The following DHX57 variants were observed in gnomAD, a reference collection of about 807,000 sequenced individuals.
DHX57 encodes the protein putative ATP-dependent RNA helicase DHX57.
In DHX57, 105 loss-of-function variants were observed where a neutral mutation model predicts 156.2. The observed-to-expected ratio is 0.67, with a 90% CI of 0.57 to 0.79. The LOEUF (loss-of-function observed/expected upper bound fraction) is 0.79. DHX57 is among the 30% of genes least tolerant of loss of function. The pLI is 0.00. For missense variants in DHX57, 1,847 were observed against 1,661.9 expected (o/e 1.11, Z -1.94); for synonymous variants, 704 against 595.6 (o/e 1.18, Z -2.65).
In DHX57 at chr2:38,840,679, ACT is replaced by A. The variant is rs1490188259; in HGVS notation, c.2425+2324_2425+2325del. Among the ~76,000 whole-genome samples the A allele has an allele frequency of 2.0e-5, 3 of 152,142 alleles. No homozygotes were observed. In the East Asian group the frequency reaches 5.8e-4, roughly 29 times the overall value. On this transcript the variant is annotated intron_variant, in intron 12 of 23. Coordinates refer to ENST00000457308, the MANE Select transcript of DHX57 (RefSeq NM_198963.3). Reference sequence around the variant, plus strand: ...GGCAGAGTCATGTTTCCTGACCTCAACTCCTCCATTCTCCTTCCTTAAAAAGG... The same window carrying A: ...GGCAGAGTCATGTTTCCTGACCTCAACCTCCATTCTCCTTCCTTAAAAAGG...
At chr2:38,818,623 C>G (rs1323670602) in intron 19 of DHX57, among the ~76,000 whole-genome samples, 2 of 152,078 alleles carry the variant, frequency 1.3e-5, no homozygotes, top group East Asian at 1.9e-4. Flanking sequence ...ATCTTACTGC[C>G]TATATTCTAC....
intron 1 of DHX57, among the ~76,000 whole-genome samples, chr2:38,873,280 T>C (rs1337475554): frequency 6.6e-6 from 1 of 152,174 alleles, no homozygotes; most frequent in Admixed American, 6.5e-5. Flanking sequence ...CGTGAGCCAC[T>C]GTGCCCAGCC....
At chr2:38,802,633 G>C in intron 23 of DHX57, 82 bp downstream of exon 23, 1 of 1,536,026 alleles carries the variant, frequency 6.5e-7, no homozygotes, top group Non-Finnish European at 8.9e-7. Flanking sequence ...GTCCCTAGAG[G>C]AATGCCCTTG....
intron 21 of DHX57, 121 bp from the exon 22 acceptor site, chr2:38,806,814 G>T: frequency 9.9e-6 from 9 of 913,634 alleles, no homozygotes; most frequent in South Asian, 8.8e-5. Flanking sequence ...TTTCCTGTTT[G>T]TTCCCTTTCT....
At chr2:38,856,497 CTTTTT>C in intron 6 of DHX57, 36 bp from the exon 7 acceptor site, 1 of 1,420,286 alleles carries the variant, frequency 7.0e-7, no homozygotes. Context: ...AGTTGGGTTA[CTTTTT>C]CTTTTTTTTT....
At chr2:38,853,200 G>A (rs1291365345) in intron 9 of DHX57, 1 of 149,806 alleles carries the variant, frequency 6.7e-6, no homozygotes, top group African/African-American at 2.5e-5. Flanking sequence ...TGGGACCTTA[G>A]GTGTGAGGCA....
rs2148520802 is a variant in DHX57 at position 38,798,406 on chromosome 2, C to G, written c.4054G>C (p.Asp1352His). 1.9e-6 allele frequency: 3 copies of G among 1,613,912 alleles called. No homozygotes were observed. Among genetic ancestry groups the G allele is most frequent in the South Asian group, 2.2e-5 (2 of 91,052 alleles). Reference sequence around the variant, plus strand: ...TTAATTTTATCCTGGAGAAGCTGATCAAGTTCGCAACGAAGCTCCTTTACC... The same window carrying G: ...TTAATTTTATCCTGGAGAAGCTGATGAAGTTCGCAACGAAGCTCCTTTACC... ...ELVKELRCEL[D>H]QLLQDKIKNP... is the part of the protein sequence containing the mutation. Residue 1352 changes from aspartate (D) to histidine (H), a missense_variant, in exon 24 of 24, where the codon GAT becomes CAT. Transcript: ENST00000457308.
chr2:38,808,500 C>T (rs1331550194), intron 21 of DHX57, among the ~76,000 whole-genome samples: 1 of 151,822 alleles, frequency 6.6e-6, no homozygotes, highest in African/African-American at 2.4e-5. Flanking sequence ...ATATATAAGA[C>T]CTTGTTGTAA....
At position 38,826,551 on chromosome 2, in the gene DHX57, G is replaced by T. The variant is rs576995265; in HGVS notation, c.2778C>A (p.Val926=). The T allele has an allele frequency of 6.2e-7, 1 of 1,613,904 alleles. No homozygotes were observed. The highest frequency in any genetic ancestry group is 2.2e-5 in the East Asian group (1 of 44,884). The stretch of plus-strand genomic sequence containing the variant: ...TCATTTTCCCAGAATCGATAACATA[G>T]ACAACATCATCGATGGTTATGGATG... ...AETSITIDDV[V]YVIDSGKMKE... The change falls in exon 15 of 24, where the codon GTC becomes GTA. Residue 926 remains valine (V), a synonymous_variant. Coordinates refer to ENST00000457308, the MANE Select transcript of DHX57 (RefSeq NM_198963.3).
intron 23 of DHX57, among the ~76,000 whole-genome samples, chr2:38,799,894 A>T (rs1482522725): frequency 6.6e-6 from 1 of 152,074 alleles, no homozygotes; most frequent in Non-Finnish European, 1.5e-5. Flanking sequence ...CTCTAATAAA[A>T]ATACAAAAAT....
At chr2:38,807,048 T>C (rs1319117200) in intron 21 of DHX57, among the ~76,000 whole-genome samples, 2 of 151,482 alleles carry the variant, frequency 1.3e-5, no homozygotes, top group African/African-American at 4.9e-5. Flanking sequence ...TCCCAACACA[T>C]TTCTTGTTTT....
chr2:38,845,396 G>A (rs1464075049), intron 11 of DHX57, among the ~76,000 whole-genome samples: 1 of 152,002 alleles, frequency 6.6e-6, no homozygotes, highest in East Asian at 1.9e-4. Context: ...AAATTTGAGA[G>A]CCACTGGTTT....
Position 38,818,945 on chromosome 2 carries a change from T to C in DHX57, c.3403A>G (p.Thr1135Ala), listed in dbSNP as rs1670680425. 2 of 1,614,078 alleles carry C rather than the reference T, an allele frequency of 1.2e-6. No homozygotes were observed. The highest frequency in any genetic ancestry group is 1.7e-6 in the Non-Finnish European group (2 of 1,180,038). The part of the protein sequence containing the change: ...LQAYKGWQLS[T>A]KEGVRASYNY... Reference sequence around the variant, plus strand: ...TAACTTGCACGCACGCCTTCTTTTGTACTTAGCTGCCATCCCTAAATTTTG... The same window carrying C: ...TAACTTGCACGCACGCCTTCTTTTGCACTTAGCTGCCATCCCTAAATTTTG... Residue 1135 changes from threonine (T) to alanine (A), a missense_variant, in exon 19 of 24, where the codon ACA becomes GCA. Physicochemically the swap from Thr to Ala is moderately conservative, Grantham distance 58. Coordinates refer to ENST00000457308, the MANE Select transcript of DHX57 (RefSeq NM_198963.3).
intron 8 of DHX57, 100 bp downstream of exon 8, chr2:38,854,957 T>C (rs1240802233): frequency 9.2e-7 from 1 of 1,086,572 alleles, no homozygotes; most frequent in East Asian, 2.4e-5. Flanking sequence ...AACCTGAAAG[T>C]ATATATCCCA....
intron 3 of DHX57, 43 bp from the exon 4 acceptor site, chr2:38,862,376 C>T: frequency 1.4e-6 from 2 of 1,423,712 alleles, no homozygotes; most frequent in East Asian, 2.4e-5. Flanking sequence ...TTACTTTCTA[C>T]TTACTTCAAA....
rs1034346749 is a variant in DHX57, at chr2:38,855,166, G to A, written c.1796C>T (p.Thr599Ile). 3 of 1,613,982 alleles carry A rather than the reference G, an allele frequency of 1.9e-6. No homozygotes were observed. The highest frequency in any genetic ancestry group is 1.7e-5 in the Admixed American group (1 of 59,978). The change falls in exon 8 of 24, where the codon ACC becomes ATC. Residue 599 changes from threonine to isoleucine, a missense_variant. Coordinates refer to ENST00000457308, the MANE Select transcript of DHX57 (RefSeq NM_198963.3). ...PPEKVANIIC[T>I]QPRRISAISV... ...GATTGCAGAGATTCGTCGGGGTTGG[G>A]TACAGATGATGTTGGCTACCTTCTC...
At chr2:38,825,406 G>T (rs1413258598) in intron 16 of DHX57, among the ~76,000 whole-genome samples, 1 of 152,170 alleles carries the variant, frequency 6.6e-6, no homozygotes, top group Non-Finnish European at 1.5e-5. Flanking sequence ...GGGTTCAAGA[G>T]ATTCTCCTTC....
At chr2:38,828,258 C>A in intron 14 of DHX57, 82 bp downstream of exon 14, 2 of 1,028,964 alleles carry the variant, frequency 1.9e-6, no homozygotes, top group Admixed American at 2.6e-5. Flanking sequence ...GACTGGTGCT[C>A]TTCCAGGGTC....
chr2:38,832,465 A>T (rs904661187), intron 13 of DHX57, among the ~76,000 whole-genome samples: 2 of 151,958 alleles, frequency 1.3e-5, no homozygotes, highest in African/African-American at 4.8e-5. Flanking sequence ...CCACATAATG[A>T]TTAAAGTGTA....
Sources: allele counts gnomAD v4.1 joint callset (sites outside exome capture counted in the v4.1 genomes callset), GRCh38; gene constraint gnomAD v4.1.1; transcripts MANE v1.5; gene names NCBI Gene and HGNC (gene_info 2026-07-23, HGNC 2026-07-21).